The following HS6ST2 variants were observed in gnomAD, a reference collection of about 807,000 sequenced individuals.
HS6ST2 encodes heparan-sulfate 6-O-sulfotransferase 2.
A neutral mutation model predicts 33.0 loss-of-function variants in HS6ST2; 17 were observed. The ratio of observed to expected loss-of-function variants is 0.52; its 90% CI spans 0.35 to 0.77. HS6ST2 has a LOEUF of 0.77. Among genes scored for constraint, HS6ST2 ranks in the 30% least tolerant of loss-of-function variants. The probability of loss-of-function intolerance (pLI) is 0.01; values close to 1 mark genes in which losing one functional copy is unlikely to be tolerated. For missense variants in HS6ST2, 519 were observed against 551.7 expected (o/e 0.94, Z 0.59); for synonymous variants, 248 against 237.1 (o/e 1.05, Z -0.42).
intron 2 of HS6ST2, among the ~76,000 whole-genome samples, chrX:132,806,682 T>C (rs1465683188): frequency 1.8e-5 from 2 of 109,965 alleles, no homozygotes; most frequent in Non-Finnish European, 3.8e-5. Flanking sequence ...ACACTGAAAT[T>C]TGAATTTCAT....
chrX:132,741,161 C>T (rs1471843801), intron 2 of HS6ST2, among the ~76,000 whole-genome samples: 4 of 111,841 alleles, frequency 3.6e-5, no homozygotes, highest in Admixed American at 1.9e-4. Flanking sequence ...CCAGCTGCGC[C>T]GGCAAAGCCA....
intron 3 of HS6ST2, among the ~76,000 whole-genome samples, chrX:132,697,434 C>T (rs1005819712): frequency 1.8e-5 from 2 of 111,993 alleles, no homozygotes; most frequent in Middle Eastern, 4.6e-3. Context: ...TATTCTGAAT[C>T]GGTCTGGTTC....
chrX:132,673,723 A>G (rs1360158290), intron 3 of HS6ST2, among the ~76,000 whole-genome samples: 1 of 110,930 alleles, frequency 9.0e-6, no homozygotes, highest in African/African-American at 3.3e-5. Context: ...AGACTCTCCC[A>G]GGGATAAAAG....
chrX:132,805,587 C>G (rs1215262719), intron 2 of HS6ST2, among the ~76,000 whole-genome samples: 1 of 109,220 alleles, frequency 9.2e-6, no homozygotes, highest in Non-Finnish European at 1.9e-5. Flanking sequence ...AAATGTCCCC[C>G]CTCTCCCAGC....
At chrX:132,638,783 C>T (rs992377389) in intron 4 of HS6ST2, among the ~76,000 whole-genome samples, 1 of 111,985 alleles carries the variant, frequency 8.9e-6, no homozygotes, top group Admixed American at 9.5e-5. Flanking sequence ...ACTTATTAGA[C>T]AAAAGATCTA....
At chrX:132,948,300 G>A (rs1244533629) in intron 2 of HS6ST2, among the ~76,000 whole-genome samples, 1 of 111,846 alleles carries the variant, frequency 8.9e-6, no homozygotes, top group Admixed American at 9.5e-5. Flanking sequence ...CTTAAATTGT[G>A]ACTGAAAAAG....
chrX:132,959,872 G>A (rs190223163), upstream of HS6ST2, among the ~76,000 whole-genome samples: 4 of 112,203 alleles, frequency 3.6e-5, 1 homozygote, highest in East Asian at 1.1e-3. Context: ...CTGCGTCACA[G>A]GCCAAATAAG....
intron 2 of HS6ST2, among the ~76,000 whole-genome samples, chrX:132,878,966 A>G (rs1281819900): frequency 2.7e-5 from 3 of 111,537 alleles, no homozygotes; most frequent in Middle Eastern, 4.6e-3. Context: ...GAAGAATGTC[A>G]TAAAAACAAA....
At chrX:132,753,710 C>T (rs1430920359) in intron 2 of HS6ST2, among the ~76,000 whole-genome samples, 1 of 111,673 alleles carries the variant, frequency 9.0e-6, no homozygotes, top group African/African-American at 3.3e-5. Flanking sequence ...CAGGTGTCTC[C>T]TAGGAAATCC....
At chrX:132,839,304 A>G (rs910402062) in intron 2 of HS6ST2, among the ~76,000 whole-genome samples, 5 of 25,517 alleles carry the variant, frequency 2.0e-4, no homozygotes, top group Admixed American at 2.6e-4. Context: ...ATATATATAT[A>G]TATATATATA....
At chrX:132,801,685 G>T (rs1035792937) in intron 2 of HS6ST2, among the ~76,000 whole-genome samples, 4 of 111,567 alleles carry the variant, frequency 3.6e-5, no homozygotes, top group Admixed American at 9.6e-5. Flanking sequence ...CTTTCCCAGA[G>T]AACTTCTGCT....
At chrX:132,821,288 C>T (rs1602715042) in intron 2 of HS6ST2, among the ~76,000 whole-genome samples, 2 of 102,676 alleles carry the variant, frequency 1.9e-5, no homozygotes, top group East Asian at 6.2e-4. Context: ...TCTCGGCTCA[C>T]TGCAAGTTCC....
At position 132,627,508 on chromosome X, in the gene HS6ST2, A is replaced by G. The variant is rs1422297125; in HGVS notation, c.*715T>C. The G allele has an allele frequency of 1.8e-5, 2 of 112,588 alleles. No individual in the cohort carries two copies. The highest frequency in any genetic ancestry group is 6.5e-5 in the African/African-American group (2 of 30,940). 9.3% of individuals were successfully genotyped at this position (112,588 alleles called of 1,213,427 possible). A position where few individuals can be genotyped will look rare whatever the true frequency, so the allele number is the denominator to read the frequency against. Reference sequence around the variant, plus strand: ...TACATTGGTATTTCATTTTGAAAAAAAGGTGTTTTGTTTAATGTGAGATAC... The same window carrying G: ...TACATTGGTATTTCATTTTGAAAAAGAGGTGTTTTGTTTAATGTGAGATAC... On this transcript the variant is annotated 3_prime_UTR_variant, in exon 5 of 5. Transcript: ENST00000370833.
At chrX:132,821,025 CCTT>C (rs2065448976) in intron 2 of HS6ST2, among the ~76,000 whole-genome samples, 1 of 110,168 alleles carries the variant, frequency 9.1e-6, no homozygotes, top group Non-Finnish European at 1.9e-5. Context: ...CAGATCTCCT[CCTT>C]CTCAAAGTGA....
chrX:132,931,950 C>G (rs62599052), intron 2 of HS6ST2, among the ~76,000 whole-genome samples: 2 of 210 alleles, frequency 9.5e-3, no homozygotes, highest in African/African-American at 0.023. Context: ...ACTTTGGGAG[C>G]CGAAGGTGGG....
chrX:132,758,301 G>A (rs765199322), intron 2 of HS6ST2: 1 of 112,049 alleles, frequency 8.9e-6, no homozygotes, highest in Admixed American at 9.5e-5. Flanking sequence ...TTTTTCAACA[G>A]GCACCTCCTC....
intron 3 of HS6ST2, among the ~76,000 whole-genome samples, chrX:132,675,821 T>C (rs1347522740): frequency 1.9e-5 from 2 of 106,222 alleles, no homozygotes; most frequent in Non-Finnish European, 3.9e-5. Flanking sequence ...AAAATCTCCT[T>C]TTTTTTTTTT....
chrX:132,682,729 G>C (rs898546782), intron 3 of HS6ST2, among the ~76,000 whole-genome samples: 16 of 107,718 alleles, frequency 1.5e-4, no homozygotes, highest in African/African-American at 2.0e-4. Context: ...CAGCATTAAA[G>C]TTTCAGAAGC....
intron 2 of HS6ST2, among the ~76,000 whole-genome samples, chrX:132,936,146 G>A (rs939944557): frequency 9.1e-6 from 1 of 109,329 alleles, no homozygotes; most frequent in Non-Finnish European, 1.9e-5. Flanking sequence ...ATGAAAGAGG[G>A]GACATTAATA....
Sources: allele counts gnomAD v4.1 joint callset (sites outside exome capture counted in the v4.1 genomes callset), GRCh38; gene constraint gnomAD v4.1.1; transcripts MANE v1.5; gene names NCBI Gene and HGNC (gene_info 2026-07-23, HGNC 2026-07-21).